The following NKAIN3 variants were observed in gnomAD, a reference collection of about 807,000 sequenced individuals.
NKAIN3 encodes sodium/potassium-transporting ATPase subunit beta-1-interacting protein 3.
A neutral mutation model predicts 30.2 loss-of-function variants in NKAIN3; 25 were observed. The observed-to-expected ratio is 0.83, with a 90% CI of 0.60 to 1.16. The LOEUF is 1.16. Among genes scored for constraint, NKAIN3 ranks in the 50% most tolerant of loss-of-function variants. The pLI is 0.00. For missense variants in NKAIN3, 225 were observed against 254.1 expected (o/e 0.89, Z 0.78); for synonymous variants, 91 against 89.6 (o/e 1.02, Z -0.09).
chr8:62,993,610 C>G (rs1804030444), intron 5 of NKAIN3, among the ~76,000 whole-genome samples: 1 of 152,118 alleles, frequency 6.6e-6, no homozygotes, highest in Non-Finnish European at 1.5e-5. Flanking sequence ...CCTTCTATGG[C>G]CCCTTTGTCT....
At chr8:62,936,250 C>T (rs547169969) in intron 5 of NKAIN3, among the ~76,000 whole-genome samples, 1 of 152,238 alleles carries the variant, frequency 6.6e-6, no homozygotes, top group South Asian at 2.1e-4. Context: ...GTGGTGTGGG[C>T]TGTGAGGAGT....
intron 3 of NKAIN3, among the ~76,000 whole-genome samples, chr8:62,681,358 A>C (rs923043962): frequency 1.3e-5 from 2 of 152,182 alleles, no homozygotes; most frequent in Non-Finnish European, 1.5e-5. Flanking sequence ...AAAAATATTC[A>C]TTTCATGGAT....
intron 3 of NKAIN3, among the ~76,000 whole-genome samples, chr8:62,600,710 C>T (rs538912905): frequency 6.6e-6 from 1 of 152,156 alleles, no homozygotes; most frequent in Admixed American, 6.6e-5. Context: ...AAATTTAAGC[C>T]ATTTCCTCAG....
At chr8:62,797,228 C>T (rs1185942529) in intron 4 of NKAIN3, among the ~76,000 whole-genome samples, 1 of 152,120 alleles carries the variant, frequency 6.6e-6, no homozygotes, top group African/African-American at 2.4e-5. Context: ...TTTTTCCAGA[C>T]CCTAAAACTT....
At chr8:62,772,333 C>G (rs368116339) in intron 4 of NKAIN3, among the ~76,000 whole-genome samples, 1 of 152,216 alleles carries the variant, frequency 6.6e-6, no homozygotes, top group Non-Finnish European at 1.5e-5. Context: ...GTTGCTCCCA[C>G]ATCTTGGCTG....
chr8:62,847,040 G>A (rs188141186), intron 4 of NKAIN3, among the ~76,000 whole-genome samples: 103 of 152,228 alleles, frequency 6.8e-4, no homozygotes, highest in African/African-American at 2.3e-3. Flanking sequence ...GACATGTGGG[G>A]ATTATTACAA....
chr8:62,858,580 C>T (rs966767626), intron 4 of NKAIN3, among the ~76,000 whole-genome samples: 2 of 152,212 alleles, frequency 1.3e-5, no homozygotes, highest in African/African-American at 2.4e-5. Flanking sequence ...TGGGAGGTCT[C>T]ACCCAATGAG....
At chr8:62,729,438 A>C (rs1304869239) in intron 3 of NKAIN3, among the ~76,000 whole-genome samples, 1 of 152,224 alleles carries the variant, frequency 6.6e-6, no homozygotes, top group East Asian at 1.9e-4. Flanking sequence ...AAAATGGTAC[A>C]GCTACTTTGG....
intron 3 of NKAIN3, among the ~76,000 whole-genome samples, chr8:62,654,405 GTCATAAGTTGTCACAC>G (rs1288752176): frequency 6.6e-6 from 1 of 152,004 alleles, no homozygotes; most frequent in Non-Finnish European, 1.5e-5. Context: ...CCTAAGACAG[GTCATAAGTTGTCACAC>G]TCAAAAGCTT....
At chr8:62,530,798 C>G (rs1160935128) in intron 1 of NKAIN3, among the ~76,000 whole-genome samples, 1 of 152,002 alleles carries the variant, frequency 6.6e-6, no homozygotes, top group Non-Finnish European at 1.5e-5. Flanking sequence ...GCCACCACAC[C>G]TGGCTAATTT....
intron 3 of NKAIN3, among the ~76,000 whole-genome samples, chr8:62,738,327 C>T (rs141510765): frequency 2.9e-4 from 44 of 152,188 alleles, no homozygotes; most frequent in African/African-American, 9.6e-4. Flanking sequence ...TGGCCAGGCA[C>T]GGTGGCTCAC....
At chr8:62,817,014 A>G (rs895806195) in intron 4 of NKAIN3, among the ~76,000 whole-genome samples, 1 of 152,190 alleles carries the variant, frequency 6.6e-6, no homozygotes, top group Admixed American at 6.5e-5. Flanking sequence ...TCTCCTCACA[A>G]TGGGGAGCCT....
At chr8:62,901,971 C>A (rs186298250) in intron 4 of NKAIN3, among the ~76,000 whole-genome samples, 2 of 152,302 alleles carry the variant, frequency 1.3e-5, no homozygotes, top group East Asian at 3.9e-4. Flanking sequence ...GCTAAGTCAG[C>A]TGCTCAGTGA....
rs1258546656 is a variant in NKAIN3, at chr8:62,798,026, G to C, written c.471+50897G>C. On this transcript the variant is annotated intron_variant, in intron 4 of 6. Coordinates refer to ENST00000623646, the MANE Select transcript of NKAIN3 (RefSeq NM_001304533.3). ...ATTCTCAAAATGACCCATGAGGGTGGTGTTATTGTAGTCATTTTACAAGTG... is the reference window on the plus strand; with the variant it reads ...ATTCTCAAAATGACCCATGAGGGTGCTGTTATTGTAGTCATTTTACAAGTG... Among the ~76,000 whole-genome samples the C allele has an allele frequency of 2.0e-5, 3 of 152,142 alleles. No individual in the cohort carries two copies. The East Asian group carries it at 5.8e-4, about 29-fold the overall frequency.
intron 1 of NKAIN3, among the ~76,000 whole-genome samples, chr8:62,465,071 G>A (rs1806120079): frequency 6.6e-6 from 1 of 152,050 alleles, no homozygotes; most frequent in Non-Finnish European, 1.5e-5. Flanking sequence ...CAAATGGAAA[G>A]GTATCACTTT....
intron 4 of NKAIN3, among the ~76,000 whole-genome samples, chr8:62,876,584 C>T (rs767251286): frequency 4.6e-5 from 7 of 152,212 alleles, no homozygotes; most frequent in Middle Eastern, 3.4e-3. Flanking sequence ...CGATGATAGA[C>T]TGGATAAAGA....
intron 1 of NKAIN3, among the ~76,000 whole-genome samples, chr8:62,298,570 G>A (rs1315288779): frequency 2.0e-5 from 3 of 152,002 alleles, no homozygotes; most frequent in Non-Finnish European, 2.9e-5. Context: ...CAGCCACACT[G>A]GCCTTTTTTT....
At chr8:62,860,137 G>A (rs749167757) in intron 4 of NKAIN3, among the ~76,000 whole-genome samples, 2 of 152,130 alleles carry the variant, frequency 1.3e-5, no homozygotes, top group South Asian at 2.1e-4. Flanking sequence ...GTAGAGTAGC[G>A]ACCTGAAACA....
rs576182656 is a variant in NKAIN3 at position 62,291,096 on chromosome 8, A to AT, written c.54+41975dup. On this transcript the variant is annotated intron_variant, in intron 1 of 6. Coordinates refer to ENST00000623646, the MANE Select transcript of NKAIN3 (RefSeq NM_001304533.3). Reference sequence around the variant, plus strand: ...GATCAGTGGTGATATCCCCCTTATCATTTTTTATTGCATCTATTTGATTCT... The same window carrying AT: ...GATCAGTGGTGATATCCCCCTTATCATTTTTTTATTGCATCTATTTGATTCT... 6.6e-5 allele frequency among the ~76,000 whole-genome samples: 10 copies of AT among 152,162 alleles called. No individual in the cohort carries two copies. In the South Asian group the frequency reaches 2.1e-3, roughly 32 times the overall value.
Sources: allele counts gnomAD v4.1 joint callset (sites outside exome capture counted in the v4.1 genomes callset), GRCh38; gene constraint gnomAD v4.1.1; transcripts MANE v1.5; gene names NCBI Gene and HGNC (gene_info 2026-07-23, HGNC 2026-07-21).